Variants in OR13G1 observed in about 807,000 individuals in gnomAD.
OR13G1 encodes the protein olfactory receptor family 13 subfamily G member 1, also known as olfactory receptor 13G1.
For synonymous variants in OR13G1, 128 were observed against 136.2 expected (o/e 0.94, Z 0.42); for missense variants, 369 against 385.7 (o/e 0.96, Z 0.36).
intron 1 of OR13G1, among the ~76,000 whole-genome samples, chr1:247,674,312 A>C (rs1659276897): frequency 6.6e-6 from 1 of 152,196 alleles, no homozygotes; most frequent in Admixed American, 6.5e-5. Context: ...TTTAGTCATA[A>C]ATTTATGTTT....
chr1:247,672,710 A>G lies in OR13G1; in HGVS notation c.332T>C (p.Leu111Pro). The change falls in exon 2 of 2, where the codon CTC becomes CCC. Residue 111 changes from leucine (L) to proline (P), a missense_variant. Leu to Pro is a moderately conservative substitution (Grantham distance 98, BLOSUM62 -3). Coordinates refer to ENST00000642119, the MANE Select transcript of OR13G1 (RefSeq NM_001005487.2). ...GCGGTCATAGGCCATGGTGGTGAAG[A>G]GAACCATCTCAGCTCCCAGAGACCA... is the stretch of plus-strand genomic sequence containing the variant. Reference protein sequence around the residue: ...FTWSLGAEMVLFTTMAYDRYV... With the variant: ...FTWSLGAEMVPFTTMAYDRYV... 1 of 1,614,034 alleles carries G rather than the reference A, an allele frequency of 6.2e-7. No homozygotes were observed. The highest frequency in any genetic ancestry group is 8.5e-7 in the Non-Finnish European group (1 of 1,179,954).
chr1:247,674,839 A>G (rs1392133950), intron 1 of OR13G1, among the ~76,000 whole-genome samples: 11 of 152,212 alleles, frequency 7.2e-5, no homozygotes, highest in Admixed American at 7.2e-4. Context: ...CCTTTCTACT[A>G]TATACTTTCA....
chr1:247,678,585 G>C (rs1055753130), intron 1 of OR13G1, among the ~76,000 whole-genome samples: 2 of 152,170 alleles, frequency 1.3e-5, no homozygotes, highest in African/African-American at 4.8e-5. Context: ...TTCAAGCATC[G>C]TTTAAGGAGA....
Position 247,671,929 on chromosome 1 carries a change from C to A in OR13G1, c.*189G>T. ...CATATATTTATGTGAGGGTATTGTGCATATTGCTTTATGAATATTCTTCAC... is the reference window on the plus strand; with the variant it reads ...CATATATTTATGTGAGGGTATTGTGAATATTGCTTTATGAATATTCTTCAC... On this transcript the variant is annotated 3_prime_UTR_variant, in exon 2 of 2. Coordinates refer to ENST00000642119, the MANE Select transcript of OR13G1 (RefSeq NM_001005487.2). 1 of 572,964 alleles carries A rather than the reference C, an allele frequency of 1.7e-6. No homozygotes were observed. The highest frequency in any genetic ancestry group is 3.1e-6 in the Non-Finnish European group (1 of 324,560). 35.5% of individuals were successfully genotyped at this position (572,964 alleles called of 1,614,324 possible). A position where few individuals can be genotyped will look rare whatever the true frequency, so the allele number is the denominator to read the frequency against.
rs1366567189 is a variant in OR13G1, at chr1:247,672,653, C to A, written c.389G>T (p.Ser130Ile). 6.2e-7 allele frequency: 1 copy of A among 1,613,928 alleles called. No homozygotes were observed. The highest frequency in any genetic ancestry group is 8.5e-7 in the Non-Finnish European group (1 of 1,179,976). The change falls in exon 2 of 2, where the codon AGT becomes ATT. Residue 130 changes from serine to isoleucine, a missense_variant. Physicochemically the swap from Ser to Ile is moderately radical, Grantham distance 142 (BLOSUM62 -2). Coordinates refer to ENST00000642119, the MANE Select transcript of OR13G1 (RefSeq NM_001005487.2). ...ACACATATGGTGGTTCATAATAGTA[C>A]TGTAATGAAGAGGGAAACAAATGGC... The part of the protein sequence containing the change: ...YVAICFPLHY[S>I]TIMNHHMCVA...
At chr1:247,679,187 T>G (rs1659411692) in intron 1 of OR13G1, among the ~76,000 whole-genome samples, 1 of 152,136 alleles carries the variant, frequency 6.6e-6, no homozygotes, top group Admixed American at 6.6e-5. Flanking sequence ...AGCATCCTGA[T>G]ACAATGAGAA....
chr1:247,672,967 G>C lies in OR13G1; in HGVS notation c.75C>G (p.Phe25Leu), dbSNP rs761520937. ...TKKPELQGII[F>L]LFFLIVYLVA... The stretch of plus-strand genomic sequence containing the variant: ...CAAGATAGACAATGAGAAAAAAGAG[G>C]AAGATAATTCCCTGGAGTTCAGGCT... Residue 25 changes from phenylalanine to leucine, a missense_variant, in exon 2 of 2, where the codon TTC becomes TTG. By Grantham distance (22) the Phe-to-Leu change is conservative (BLOSUM62 0). Transcript: ENST00000642119. 14 of 1,613,994 alleles carry C rather than the reference G, an allele frequency of 8.7e-6. No individual in the cohort carries two copies. Among genetic ancestry groups the C allele is most frequent in the Non-Finnish European group, 1.2e-5 (14 of 1,179,900 alleles).
chr1:247,676,774 C>A (rs1659353114), intron 1 of OR13G1, among the ~76,000 whole-genome samples: 2 of 152,080 alleles, frequency 1.3e-5, no homozygotes, highest in Admixed American at 1.3e-4. Context: ...ATTTTTATTG[C>A]TTAGTCAATA....
chr1:247,676,188 G>C (rs1359520190), intron 1 of OR13G1, among the ~76,000 whole-genome samples: 1 of 152,114 alleles, frequency 6.6e-6, no homozygotes, highest in Non-Finnish European at 1.5e-5. Context: ...GAGATTCTTT[G>C]AGGATTAAAT....
Position 247,673,967 on chromosome 1 carries a change from A to AGGACACAGAT in OR13G1, c.-238-689_-238-688insATCTGTGTCC, listed in dbSNP as rs1292477613. Reference sequence around the variant, plus strand: ...TGGAGTTTTCTGGAAAATAATTTCTAGGACACAAGAAAAATCTGTGTCCTA... The same window carrying AGGACACAGAT: ...TGGAGTTTTCTGGAAAATAATTTCTAGGACACAGATGGACACAAGAAAAATCTGTGTCCTA... On this transcript the variant is annotated intron_variant, in intron 1 of 1. Transcript: ENST00000642119. 2.8e-4 allele frequency among the ~76,000 whole-genome samples: 42 copies of AGGACACAGAT among 152,192 alleles called. 1 individual carries two copies. Among genetic ancestry groups the AGGACACAGAT allele is most frequent in the African/African-American group, 9.9e-4 (41 of 41,452 alleles).
Position 247,671,840 on chromosome 1 carries a change from A to G in OR13G1, c.*278T>C. The G allele has an allele frequency of 2.6e-6, 1 of 391,974 alleles. No homozygotes were observed. The highest frequency in any genetic ancestry group is 4.6e-6 in the Non-Finnish European group (1 of 219,422). The allele number at this position is 391,974 out of a possible 1,614,324, so 24.3% of individuals were successfully genotyped here. ...CACATATAGGTAAATATTTGTGTAT[A>G]TGCATATATAAGTATTCGAAGTTAT... On this transcript the variant is annotated 3_prime_UTR_variant, in exon 2 of 2. Transcript: ENST00000642119.
rs1401461357 is a variant in OR13G1, at chr1:247,671,754, A to C, written c.*364T>G. 4.8e-6 allele frequency: 1 copy of C among 209,614 alleles called. No individual in the cohort carries two copies. Among genetic ancestry groups the C allele is most frequent in the Non-Finnish European group, 9.6e-6 (1 of 103,794 alleles). The allele number at this position is 209,614 out of a possible 1,614,324, so 13.0% of individuals were successfully genotyped here. On this transcript the variant is annotated 3_prime_UTR_variant, in exon 2 of 2. Transcript: ENST00000642119. ...CTCCAGCTCACATTCACATACCAACAAATAAATGGCACAAAATACACAAAA... is the reference window on the plus strand; with the variant it reads ...CTCCAGCTCACATTCACATACCAACCAATAAATGGCACAAAATACACAAAA...
chr1:247,679,070 TAG>T (rs1257408276), intron 1 of OR13G1, among the ~76,000 whole-genome samples: 3 of 152,104 alleles, frequency 2.0e-5, no homozygotes, highest in South Asian at 2.1e-4. Flanking sequence ...CACCATTTTA[TAG>T]AGTCTGTCAC....
chr1:247,675,274 C>T (rs1012520818), intron 1 of OR13G1, among the ~76,000 whole-genome samples: 1 of 151,274 alleles, frequency 6.6e-6, no homozygotes, highest in Non-Finnish European at 1.5e-5. Flanking sequence ...GGAGAACTGT[C>T]ACTTATTAAT....
intron 1 of OR13G1, among the ~76,000 whole-genome samples, chr1:247,675,809 A>G (rs1323194540): frequency 6.6e-6 from 1 of 152,162 alleles, no homozygotes; most frequent in Non-Finnish European, 1.5e-5. Flanking sequence ...ATGCTACTGT[A>G]GGCTCCAAAA....
At position 247,674,824 on chromosome 1, in the gene OR13G1, A is replaced by G. The variant is rs139672898; in HGVS notation, c.-238-1545T>C. Among the ~76,000 whole-genome samples the G allele has an allele frequency of 4.9e-3, 751 of 152,304 alleles. 10 individuals are homozygous for G. The highest frequency in any genetic ancestry group is 0.017 in the African/African-American group (704 of 41,568). On this transcript the variant is annotated intron_variant, in intron 1 of 1. Coordinates refer to ENST00000642119, the MANE Select transcript of OR13G1 (RefSeq NM_001005487.2). Reference sequence around the variant, plus strand: ...ATCATCTGACTCCAAAAAATTTGCTATTCACCTTTCTACTATATACTTTCA... The same window carrying G: ...ATCATCTGACTCCAAAAAATTTGCTGTTCACCTTTCTACTATATACTTTCA...
intron 1 of OR13G1, among the ~76,000 whole-genome samples, chr1:247,678,602 C>T (rs1281201525): frequency 1.3e-5 from 2 of 152,184 alleles, no homozygotes; most frequent in Non-Finnish European, 2.9e-5. Context: ...GAGAATGTTA[C>T]ATTCTCTTCA....
intron 1 of OR13G1, among the ~76,000 whole-genome samples, chr1:247,677,288 T>C (rs1337612845): frequency 6.6e-6 from 1 of 152,136 alleles, no homozygotes; most frequent in East Asian, 1.9e-4. Context: ...TACTTGAGAT[T>C]ATTATATTCT....
rs1174676740 is a variant in OR13G1, at chr1:247,673,233, A to C, written c.-192T>G. 1.8e-6 allele frequency: 1 copy of C among 557,634 alleles called. No individual in the cohort carries two copies. Among genetic ancestry groups the C allele is most frequent in the Non-Finnish European group, 3.1e-6 (1 of 317,546 alleles). The allele number at this position is 557,634 out of a possible 1,614,324, so 34.5% of individuals were successfully genotyped here. A position where few individuals can be genotyped will look rare whatever the true frequency, so the allele number is the denominator to read the frequency against. On this transcript the variant is annotated 5_prime_UTR_variant, in exon 2 of 2. Coordinates refer to ENST00000642119, the MANE Select transcript of OR13G1 (RefSeq NM_001005487.2). ...TTCCAGGCAATATACTCTGTTTTCC[A>C]GACTAATCCCATTCTCTGATGTATG...
Sources: allele counts gnomAD v4.1 joint callset (sites outside exome capture counted in the v4.1 genomes callset), GRCh38; gene constraint gnomAD v4.1.1; transcripts MANE v1.5; gene names NCBI Gene and HGNC (gene_info 2026-07-23, HGNC 2026-07-21).